Variants in MVB12B observed in about 807,000 individuals in gnomAD.
MVB12B encodes the protein multivesicular body subunit 12B.
A neutral mutation model predicts 41.6 loss-of-function variants in MVB12B; 16 were observed. The ratio of observed to expected loss-of-function variants is 0.38; its 90% CI spans 0.26 to 0.58. The LOEUF (loss-of-function observed/expected upper bound fraction) is 0.58, where lower values mean the gene tolerates loss of function less well. Among genes scored for constraint, MVB12B ranks in the 20% least tolerant of loss-of-function variants. The pLI is 0.62. For missense variants in MVB12B, 274 were observed against 380.2 expected (o/e 0.72, Z 2.32); for synonymous variants, 133 against 139.7 (o/e 0.95, Z 0.34).
intron 7 of MVB12B, among the ~76,000 whole-genome samples, chr9:126,424,526 G>A (rs1360280996): frequency 6.6e-6 from 1 of 152,162 alleles, no homozygotes; most frequent in Non-Finnish European, 1.5e-5. Context: ...AATGCCTGTG[G>A]TGTCTGGGAC....
chr9:126,500,905 G>A (rs1352876956), intron 9 of MVB12B, among the ~76,000 whole-genome samples: 1 of 152,226 alleles, frequency 6.6e-6, no homozygotes, highest in Non-Finnish European at 1.5e-5. Flanking sequence ...ATGTGCCCTC[G>A]GAGGTGGCCT....
At chr9:126,410,171 G>C (rs1286064216) in intron 6 of MVB12B, among the ~76,000 whole-genome samples, 1 of 147,498 alleles carries the variant, frequency 6.8e-6, no homozygotes, top group African/African-American at 2.5e-5. Flanking sequence ...GTGTGTGTGT[G>C]TGCACGCATG....
intron 7 of MVB12B, among the ~76,000 whole-genome samples, chr9:126,432,896 G>A (rs1453492122): frequency 6.6e-6 from 1 of 152,202 alleles, no homozygotes; most frequent in African/African-American, 2.4e-5. Flanking sequence ...CTAACTTGGT[G>A]TACTGGGCCT....
At chr9:126,328,103 C>T (rs886853474) in intron 1 of MVB12B, among the ~76,000 whole-genome samples, 1 of 152,156 alleles carries the variant, frequency 6.6e-6, no homozygotes, top group African/African-American at 2.4e-5. Flanking sequence ...CTCTGTGAAG[C>T]CTTGACTAAC....
At chr9:126,488,115 G>A (rs564870896) in intron 9 of MVB12B, among the ~76,000 whole-genome samples, 2 of 152,268 alleles carry the variant, frequency 1.3e-5, no homozygotes, top group South Asian at 2.1e-4. Flanking sequence ...TGGGAGTTGG[G>A]GGCTCAGGGA....
At chr9:126,469,638 TC>T (rs768406790) in intron 7 of MVB12B, among the ~76,000 whole-genome samples, 62 of 152,230 alleles carry the variant, frequency 4.1e-4, no homozygotes, top group Admixed American at 1.3e-3. Context: ...CATGCCTTCT[TC>T]CAGAGGATGT....
At chr9:126,452,640 C>T (rs898281788) in intron 7 of MVB12B, among the ~76,000 whole-genome samples, 11 of 151,988 alleles carry the variant, frequency 7.2e-5, no homozygotes, top group African/African-American at 2.2e-4. Context: ...TGTGTGAACC[C>T]GGCAGAGGAA....
chr9:126,386,212 G>C lies in MVB12B; in HGVS notation c.313-350G>C, dbSNP rs947693738. ...GAATTTGCTCTTCCTAAAACCTCCT[G>C]GCCTTGAGATCTGATGCTCAGGGCT... On this transcript the variant is annotated intron_variant, in intron 3 of 9. Coordinates refer to ENST00000361171, the MANE Select transcript of MVB12B (RefSeq NM_033446.3). This position sits in a 1 kb window ranked among gnomAD's most constrained non-coding sequence, Gnocchi z 4.3. 6.6e-6 allele frequency among the ~76,000 whole-genome samples: 1 copy of C among 152,168 alleles called. No homozygotes were observed. The highest frequency in any genetic ancestry group is 1.5e-5 in the Non-Finnish European group (1 of 68,028).
intron 2 of MVB12B, among the ~76,000 whole-genome samples, chr9:126,360,252 G>A (rs368979794): frequency 6.6e-6 from 1 of 152,220 alleles, no homozygotes; most frequent in African/African-American, 2.4e-5. Context: ...CTGTTACTAA[G>A]AATATATTCC....
At chr9:126,429,202 C>T (rs1255351791) in intron 7 of MVB12B, among the ~76,000 whole-genome samples, 1 of 152,146 alleles carries the variant, frequency 6.6e-6, no homozygotes, top group East Asian at 1.9e-4. Flanking sequence ...TTATCATCCC[C>T]TATAAGAACC....
intron 6 of MVB12B, among the ~76,000 whole-genome samples, chr9:126,415,342 C>CA (rs1166204326): frequency 3.9e-5 from 6 of 152,302 alleles, no homozygotes; most frequent in African/African-American, 1.4e-4. Context: ...AGTCCATAGA[C>CA]ACTGGATGCT....
At chr9:126,422,068 A>G (rs1179684864) in intron 7 of MVB12B, 120 bp downstream of exon 7, 1 of 739,646 alleles carries the variant, frequency 1.4e-6, no homozygotes, top group African/African-American at 1.7e-5. Flanking sequence ...TCTTCCCTGC[A>G]GGGGACCTGT....
intron 2 of MVB12B, among the ~76,000 whole-genome samples, chr9:126,369,256 C>G (rs1830268300): frequency 6.6e-6 from 1 of 152,170 alleles, no homozygotes; most frequent in Non-Finnish European, 1.5e-5. Context: ...AACTCCATTC[C>G]TTATGCACAT....
chr9:126,451,460 C>T lies in MVB12B; in HGVS notation c.757+29512C>T, dbSNP rs1832886876. ...GTAGAGGGTCTCGAGCAAATGATCC[C>T]AAGAGCTGCAGCCCATCCAGGCTCT... On this transcript the variant is annotated intron_variant, in intron 7 of 9. Transcript: ENST00000361171. 2.0e-5 allele frequency among the ~76,000 whole-genome samples: 3 copies of T among 152,046 alleles called. No individual in the cohort carries two copies. In the South Asian group the frequency reaches 6.2e-4, roughly 32 times the overall value.
At position 126,486,888 on chromosome 9, in the gene MVB12B, A is replaced by G. The variant is rs531165085; in HGVS notation, c.873+2856A>G. ...TGGTGGCCAGTCAGTCTAGTTCCTT[A>G]ACCTGGGTGGGCCTTCGAGTTGCTG... On this transcript the variant is annotated intron_variant, in intron 9 of 9. Transcript: ENST00000361171. The surrounding 1 kb of genome is among the most constrained non-coding windows in gnomAD (Gnocchi z 4.7). Among the ~76,000 whole-genome samples the G allele has an allele frequency of 5.3e-5, 8 of 152,200 alleles. No individual in the cohort carries two copies. Among genetic ancestry groups the G allele is most frequent in the Non-Finnish European group, 8.8e-5 (6 of 68,018 alleles).
intron 6 of MVB12B, among the ~76,000 whole-genome samples, chr9:126,420,490 C>T (rs1314176231): frequency 6.6e-6 from 1 of 151,560 alleles, no homozygotes. Context: ...CTGGAAGGCT[C>T]CTTCCGGTTC....
chr9:126,472,170 TG>T (rs1833327812), intron 7 of MVB12B, among the ~76,000 whole-genome samples: 1 of 151,844 alleles, frequency 6.6e-6, no homozygotes, highest in Admixed American at 6.6e-5. Context: ...TCCGGAGCCT[TG>T]GGAGTTGGTC....
chr9:126,460,107 CTGTG>C (rs1200156293), intron 7 of MVB12B, among the ~76,000 whole-genome samples: 1 of 152,164 alleles, frequency 6.6e-6, no homozygotes, highest in Non-Finnish European at 1.5e-5. Flanking sequence ...AATCAGTTGA[CTGTG>C]TGCTCCCTGG....
Position 126,433,071 on chromosome 9 carries a change from G to A in MVB12B, c.757+11123G>A, listed in dbSNP as rs78620339. Among the ~76,000 whole-genome samples, 770 of 152,278 alleles carry A rather than the reference G, an allele frequency of 5.1e-3. 12 individuals carry two copies. Among genetic ancestry groups the A allele is most frequent in the African/African-American group, 0.018 (741 of 41,552 alleles). On this transcript the variant is annotated intron_variant, in intron 7 of 9. Coordinates refer to ENST00000361171, the MANE Select transcript of MVB12B (RefSeq NM_033446.3). ...TGCTGGGCAAAACAGTGAAGGTGGG[G>A]AGCCCAAGGCCTCCTTACTTAAAGT...
Sources: allele counts gnomAD v4.1 joint callset (sites outside exome capture counted in the v4.1 genomes callset), GRCh38; gene constraint gnomAD v4.1.1; non-coding constraint Gnocchi (gnomAD v3.1); transcripts MANE v1.5; gene names NCBI Gene and HGNC (gene_info 2026-07-23, HGNC 2026-07-21).